FASTKD2: variants seen among roughly 807,000 people sequenced by gnomAD.
The protein encoded by FASTKD2 is FAST kinase domain-containing protein 2, mitochondrial.
Under a neutral mutation model 63.6 loss-of-function variants are expected in FASTKD2, and 51 were observed. That is an observed-to-expected ratio of 0.80 (90% CI 0.64 to 1.01). The LOEUF is 1.01. Ranked by LOEUF, FASTKD2 falls within the 50% of genes least tolerant of loss-of-function variation. The pLI is 0.00. For missense variants in FASTKD2, 786 were observed against 831.1 expected, an observed-to-expected ratio of 0.95 and a Z score of 0.67; for synonymous variants, 284 against 293.4, an observed-to-expected ratio of 0.97 and a Z score of 0.33.
intron 7 of FASTKD2, among the ~76,000 whole-genome samples, chr2:206,776,741 C>T (rs1689833915): frequency 1.3e-5 from 2 of 152,114 alleles, no homozygotes; most frequent in East Asian, 3.9e-4. Flanking sequence ...TGTGATACTT[C>T]TAGCTCTGTT....
intron 7 of FASTKD2, among the ~76,000 whole-genome samples, chr2:206,780,377 T>C (rs1194125801): frequency 6.6e-6 from 1 of 152,208 alleles, no homozygotes; most frequent in African/African-American, 2.4e-5. Context: ...TATAGGATTA[T>C]TGGTTGGCAA....
intron 3 of FASTKD2, among the ~76,000 whole-genome samples, chr2:206,770,801 T>A (rs532057566): frequency 6.6e-6 from 1 of 152,074 alleles, no homozygotes; most frequent in African/African-American, 2.4e-5. Context: ...TTCAGAATAG[T>A]TATTCGGGGA....
At chr2:206,768,800 T>C (rs1284688158) in intron 2 of FASTKD2, among the ~76,000 whole-genome samples, 1 of 152,246 alleles carries the variant, frequency 6.6e-6, no homozygotes, top group Non-Finnish European at 1.5e-5. Context: ...TTCATAGCTA[T>C]GGGAAAGTTT....
At chr2:206,783,366 T>C (rs2105983014) in intron 7 of FASTKD2, 1 of 153,550 alleles carries the variant, frequency 6.5e-6, no homozygotes, top group South Asian at 2.1e-4. Context: ...GTTGGTAAGC[T>C]CTCCGGAGTC....
chr2:206,768,300 G>A (rs144659578), intron 2 of FASTKD2, among the ~76,000 whole-genome samples: 1 of 152,308 alleles, frequency 6.6e-6, no homozygotes, highest in African/African-American at 2.4e-5. Flanking sequence ...TCAGTGTCCT[G>A]TTTAATGTCA....
At chr2:206,787,517 A>T (rs934311806) in intron 8 of FASTKD2, among the ~76,000 whole-genome samples, 1 of 152,186 alleles carries the variant, frequency 6.6e-6, no homozygotes, top group Non-Finnish European at 1.5e-5. Flanking sequence ...AAAATCCCAA[A>T]GTTGAGTTGT....
At chr2:206,784,046 T>C (rs1055338078) in intron 7 of FASTKD2, among the ~76,000 whole-genome samples, 3 of 152,156 alleles carry the variant, frequency 2.0e-5, no homozygotes, top group African/African-American at 7.2e-5. Flanking sequence ...ATTCTAAGCC[T>C]CCCACCTCAA....
rs1326146084 is a variant in FASTKD2 at position 206,793,552 on chromosome 2, T to C, written c.*1750T>C. 4.6e-5 allele frequency among the ~76,000 whole-genome samples: 7 copies of C among 152,140 alleles called. No individual in the cohort carries two copies. The highest frequency in any genetic ancestry group is 8.8e-5 in the Non-Finnish European group (6 of 68,032). ...TACTTGGCCAAGTGATTTAACCTTA[T>C]AAGCTTCAGAACAAGATGCAGATAT... On this transcript the variant is annotated 3_prime_UTR_variant, in exon 12 of 12. Coordinates refer to ENST00000402774, the MANE Select transcript of FASTKD2 (RefSeq NM_001136193.2).
intron 8 of FASTKD2, 32 bp downstream of exon 8, chr2:206,786,931 TGTGA>T: frequency 7.6e-7 from 1 of 1,315,366 alleles, no homozygotes; most frequent in African/African-American, 1.5e-5. Context: ...GGTCACCAAT[TGTGA>T]CCAATTCTGC....
chr2:206,774,491 C>A, intron 7 of FASTKD2, 94 bp downstream of exon 7: 1 of 793,114 alleles, frequency 1.3e-6, no homozygotes, highest in Non-Finnish European at 2.1e-6. Context: ...CAAGTGAACA[C>A]ACCCATAGTC....
intron 7 of FASTKD2, among the ~76,000 whole-genome samples, chr2:206,774,735 A>T (rs1284800135): frequency 6.6e-6 from 1 of 152,080 alleles, no homozygotes; most frequent in African/African-American, 2.4e-5. Flanking sequence ...CTTTTAAAAA[A>T]TTTGACTTTT....
In FASTKD2 at chr2:206,767,288, C is replaced by A; in HGVS notation, c.595C>A (p.Gln199Lys). The change falls in exon 2 of 12, where the codon CAG becomes AAG. Residue 199 changes from glutamine to lysine, a missense_variant. Coordinates refer to ENST00000402774, the MANE Select transcript of FASTKD2 (RefSeq NM_001136193.2). Reference sequence around the variant, plus strand: ...AATTGCCAAAAGACTGTCTGATGACCAGAAGCGCTTTGAAAAACGACTGAT... The same window carrying A: ...AATTGCCAAAAGACTGTCTGATGACAAGAAGCGCTTTGAAAAACGACTGAT... ...WTIAKRLSDD[Q>K]KRFEKRLMFS... The A allele has an allele frequency of 6.2e-7, 1 of 1,614,198 alleles. No homozygotes were observed. Among genetic ancestry groups the A allele is most frequent in the Non-Finnish European group, 8.5e-7 (1 of 1,180,028 alleles).
rs756832054 is a variant in FASTKD2, at chr2:206,767,407, C to A, written c.714C>A (p.Ala238=). The A allele has an allele frequency of 2.0e-5, 33 of 1,613,266 alleles. No homozygotes were observed. Among genetic ancestry groups the A allele is most frequent in the Non-Finnish European group, 2.5e-5 (29 of 1,179,772 alleles). ...AGTACCTACTGTTCAGTCTTCACGC[C>A]ATAGTGAAGCTTGGAATCCCTCAGA... The part of the protein sequence containing the change: ...QYKYLLFSLH[A]IVKLGIPQNT... Residue 238 remains alanine (A), a synonymous_variant, in exon 2 of 12, where the codon GCC becomes GCA. Coordinates refer to ENST00000402774, the MANE Select transcript of FASTKD2 (RefSeq NM_001136193.2).
Position 206,771,286 on chromosome 2 carries a change from T to G in FASTKD2, c.986T>G (p.Leu329Arg). 1 of 1,577,624 alleles carries G rather than the reference T, an allele frequency of 6.3e-7. No individual in the cohort carries two copies. The highest frequency in any genetic ancestry group is 1.1e-5 in the South Asian group (1 of 90,306). Residue 329 changes from leucine (L) to arginine (R), a missense_variant, in exon 4 of 12, where the codon CTG becomes CGG. Transcript: ENST00000402774. ...KDAPIALKRK[L>R]EMKALRELDR... The stretch of plus-strand genomic sequence containing the variant: ...GCACCGATTGCTCTTAAGAGGAAAC[T>G]GGAGGTAAACACATGAATTTTCTCT...
chr2:206,787,389 G>A (rs749572553), intron 8 of FASTKD2, among the ~76,000 whole-genome samples: 1 of 152,142 alleles, frequency 6.6e-6, no homozygotes, highest in Non-Finnish European at 1.5e-5. Flanking sequence ...ATTAACTGTT[G>A]ACTTTTAGTC....
In FASTKD2 at chr2:206,793,716, G is replaced by C. The variant is rs993830531; in HGVS notation, c.*1914G>C. 6.6e-6 allele frequency among the ~76,000 whole-genome samples: 1 copy of C among 152,142 alleles called. No homozygotes were observed. The highest frequency in any genetic ancestry group is 1.5e-5 in the Non-Finnish European group (1 of 68,020). On this transcript the variant is annotated 3_prime_UTR_variant, in exon 12 of 12. Transcript: ENST00000402774. ...CCACCTTTTAGGGTAGTAATTTTCA[G>C]TTTGTACTAGTTAACCTGGCAGATA...
intron 7 of FASTKD2, among the ~76,000 whole-genome samples, chr2:206,781,781 T>C (rs193038289): frequency 5.1e-4 from 78 of 151,862 alleles, no homozygotes; most frequent in African/African-American, 1.8e-3. Flanking sequence ...TCTCCTTCGC[T>C]GTAGAGAAGC....
At chr2:206,766,149 A>G (rs1436418896) in intron 1 of FASTKD2, among the ~76,000 whole-genome samples, 2 of 150,788 alleles carry the variant, frequency 1.3e-5, no homozygotes, top group Non-Finnish European at 2.9e-5. Flanking sequence ...AATCCCAGCT[A>G]CTTGGGAGGC....
intron 3 of FASTKD2, among the ~76,000 whole-genome samples, chr2:206,770,778 T>G (rs563022347): frequency 2.8e-4 from 42 of 150,942 alleles, no homozygotes; most frequent in African/African-American, 9.5e-4. Flanking sequence ...AGAGAATTGA[T>G]ATGTATATTT....
Sources: allele counts gnomAD v4.1 joint callset (sites outside exome capture counted in the v4.1 genomes callset), GRCh38; gene constraint gnomAD v4.1.1; transcripts MANE v1.5; gene names NCBI Gene and HGNC (gene_info 2026-07-23, HGNC 2026-07-21).